SLC9B1: variants seen among roughly 807,000 people sequenced by gnomAD.
SLC9B1 encodes the protein sodium/hydrogen exchanger 9B1.
SLC9B1 carries 32 observed loss-of-function variants against 51.7 expected under a neutral mutation model. The observed-to-expected ratio is 0.62, with a 90% CI of 0.47 to 0.83. SLC9B1 has a LOEUF of 0.83. SLC9B1 is among the 40% of genes least tolerant of loss of function. SLC9B1 has a pLI of 0.00. For synonymous variants in SLC9B1, 145 were observed against 212.7 expected (o/e 0.68, Z 2.77); for missense variants, 406 against 613.2 (o/e 0.66, Z 3.57).
chr4:102,940,014 C>T (rs571739031), intron 6 of SLC9B1, among the ~76,000 whole-genome samples: 2 of 152,290 alleles, frequency 1.3e-5, no homozygotes, highest in Admixed American at 1.3e-4. Context: ...TGCAATTAGG[C>T]AAGAGAAAGA....
At chr4:103,019,491 G>C in intron 1 of SLC9B1, 108 bp downstream of exon 1, 1 of 719,778 alleles carries the variant, frequency 1.4e-6, no homozygotes, top group Non-Finnish European at 1.7e-6. Context: ...ATTGAACTGA[G>C]GGGGAGGAAA....
chr4:102,904,474 T>C (rs1734932184), intron 11 of SLC9B1, among the ~76,000 whole-genome samples: 2 of 152,100 alleles, frequency 1.3e-5, no homozygotes, highest in Admixed American at 1.3e-4. Context: ...AAAAAACATT[T>C]TCATAAACTT....
chr4:102,995,411 C>T (rs1032026602), intron 1 of SLC9B1, among the ~76,000 whole-genome samples: 3 of 152,054 alleles, frequency 2.0e-5, no homozygotes, highest in Non-Finnish European at 2.9e-5. Context: ...AGCAGGCAAA[C>T]ATAACACCAA....
intron 5 of SLC9B1, among the ~76,000 whole-genome samples, chr4:102,945,640 T>A (rs1737230501): frequency 6.6e-6 from 1 of 152,114 alleles, no homozygotes; most frequent in Non-Finnish European, 1.5e-5. Context: ...CCTATTAGTG[T>A]TTTCCCATTA....
At chr4:103,006,085 A>G (rs997610282) in intron 1 of SLC9B1, among the ~76,000 whole-genome samples, 5 of 152,170 alleles carry the variant, frequency 3.3e-5, no homozygotes, top group African/African-American at 1.2e-4. Context: ...AAGAAAAGAA[A>G]TAACCAAAAT....
chr4:103,010,820 C>T (rs1210661593), intron 1 of SLC9B1, among the ~76,000 whole-genome samples: 1 of 152,198 alleles, frequency 6.6e-6, no homozygotes, highest in African/African-American at 2.4e-5. Flanking sequence ...CCTAAAGGCC[C>T]CAGCTCTTAA....
chr4:102,998,274 C>A (rs1176763511), intron 1 of SLC9B1, among the ~76,000 whole-genome samples: 1 of 152,080 alleles, frequency 6.6e-6, no homozygotes, highest in Non-Finnish European at 1.5e-5. Context: ...ACAATATTTG[C>A]CCTTTTTTGT....
At chr4:102,986,062 C>CT (rs1433452153) in intron 3 of SLC9B1, among the ~76,000 whole-genome samples, 3 of 151,888 alleles carry the variant, frequency 2.0e-5, no homozygotes, top group African/African-American at 7.2e-5. Context: ...AATATTCTTC[C>CT]TTTTTTACAT....
chr4:102,927,605 G>GA (rs1736252387), intron 7 of SLC9B1, among the ~76,000 whole-genome samples: 1 of 152,108 alleles, frequency 6.6e-6, no homozygotes, highest in Non-Finnish European at 1.5e-5. Flanking sequence ...GGAGAAATAG[G>GA]AACACTTTTA....
At chr4:102,928,215 T>A (rs1297084107) in intron 7 of SLC9B1, among the ~76,000 whole-genome samples, 1 of 152,126 alleles carries the variant, frequency 6.6e-6, no homozygotes, top group Admixed American at 6.5e-5. Context: ...CCCTAGAACT[T>A]AAGGTATAAC....
chr4:102,973,349 G>T (rs917976629), intron 3 of SLC9B1, among the ~76,000 whole-genome samples: 1 of 152,044 alleles, frequency 6.6e-6, no homozygotes, highest in African/African-American at 2.4e-5. Flanking sequence ...AGGAATAAAA[G>T]TCATTATGTA....
intron 8 of SLC9B1, 31 bp downstream of exon 8, chr4:102,911,400 T>C: frequency 6.8e-7 from 1 of 1,461,228 alleles, no homozygotes; most frequent in Non-Finnish European, 9.4e-7. Context: ...TGTCTAATAC[T>C]ATACTTCTAT....
intron 11 of SLC9B1, chr4:102,892,256 C>G (rs910727708): frequency 1.3e-5 from 2 of 152,168 alleles, no homozygotes; most frequent in Non-Finnish European, 2.9e-5. Flanking sequence ...CAGAGTCTCA[C>G]TGTGTTACCC....
intron 7 of SLC9B1, among the ~76,000 whole-genome samples, chr4:102,931,009 G>T (rs1363320166): frequency 6.6e-6 from 1 of 151,926 alleles, no homozygotes; most frequent in Non-Finnish European, 1.5e-5. Context: ...CGGATCATGA[G>T]GTCAGGAGAT....
At chr4:102,885,819 T>C (rs1267582526) in intron 11 of SLC9B1, among the ~76,000 whole-genome samples, 1 of 152,230 alleles carries the variant, frequency 6.6e-6, no homozygotes, top group Non-Finnish European at 1.5e-5. Context: ...ATCTCTAATC[T>C]TCAGGGTTTG....
At chr4:102,945,131 A>T in intron 6 of SLC9B1, 62 bp downstream of exon 6, 1 of 1,418,558 alleles carries the variant, frequency 7.0e-7, no homozygotes, top group African/African-American at 1.4e-5. Context: ...GAATATTTTA[A>T]CAGTTTTAAT....
chr4:102,994,592 T>C (rs1740120639), intron 1 of SLC9B1, among the ~76,000 whole-genome samples: 1 of 152,156 alleles, frequency 6.6e-6, no homozygotes, highest in African/African-American at 2.4e-5. Flanking sequence ...CACTCTGTGG[T>C]GCCAGTTTAC....
At chr4:102,905,237 T>TTTATTTATTTA (rs1185969416) in intron 11 of SLC9B1, among the ~76,000 whole-genome samples, 154 of 45,784 alleles carry the variant, frequency 3.4e-3, no homozygotes, top group African/African-American at 0.02. Context: ...TTATTTATTT[T>TTTATTTATTTA]TTTGAGATGG....
chr4:102,900,608 C>T (rs965166565), downstream of SLC9B1, among the ~76,000 whole-genome samples: 2 of 152,116 alleles, frequency 1.3e-5, no homozygotes, highest in African/African-American at 4.8e-5. Flanking sequence ...CTCAGGTAGT[C>T]ACCAAAACCA....
Sources: gnomAD v4.1 joint callset for allele counts (sites outside exome capture counted in the v4.1 genomes callset) on GRCh38, gnomAD v4.1.1 for gene constraint, MANE v1.5 for transcripts, NCBI Gene and HGNC (gene_info 2026-07-23, HGNC 2026-07-21) for gene names.